QTMAN: variants seen among roughly 807,000 people sequenced by gnomAD.
The protein encoded by QTMAN is tRNA-queuosine alpha-mannosyltransferase.
At chr2:144,013,528 A>G in the QTMAN span, among the ~76,000 whole-genome samples, 5 of 152,206 alleles carry the variant, frequency 3.3e-5, no homozygotes, top group East Asian at 9.6e-4. Flanking sequence ...CCAATGTGAC[A>G]TATCAGTAGA....
At chr2:144,104,997 A>C in the QTMAN span, among the ~76,000 whole-genome samples, 5 of 152,222 alleles carry the variant, frequency 3.3e-5, no homozygotes, top group African/African-American at 7.2e-5. Context: ...AGGCAAACAG[A>C]GTCTGGAGTG....
the QTMAN span, among the ~76,000 whole-genome samples, chr2:144,121,612 C>T: frequency 6.6e-6 from 1 of 152,204 alleles, no homozygotes; most frequent in African/African-American, 2.4e-5. Flanking sequence ...GAAAGGAATA[C>T]TATTAAATAA....
the QTMAN span, among the ~76,000 whole-genome samples, chr2:144,126,975 T>C: frequency 2.0e-5 from 3 of 152,036 alleles, no homozygotes; most frequent in African/African-American, 7.2e-5. Context: ...CTAACTTTTT[T>C]TCTGACAAAT....
At chr2:144,197,918 T>C in the QTMAN span, among the ~76,000 whole-genome samples, 1 of 152,158 alleles carries the variant, frequency 6.6e-6, no homozygotes, top group Non-Finnish European at 1.5e-5. Flanking sequence ...AAAAGCATCA[T>C]TTCCCCTTAT....
the QTMAN span, among the ~76,000 whole-genome samples, chr2:144,095,732 C>A: frequency 6.6e-6 from 1 of 152,252 alleles, no homozygotes; most frequent in African/African-American, 2.4e-5. Context: ...CCACTTCCGC[C>A]AGCATTGCAA....
the QTMAN span, among the ~76,000 whole-genome samples, chr2:143,997,625 C>G: frequency 1.3e-5 from 2 of 151,996 alleles, no homozygotes; most frequent in Non-Finnish European, 2.9e-5. Flanking sequence ...TTTTAATACC[C>G]TTTTTACTCA....
chr2:144,308,692 G>A, the QTMAN span, among the ~76,000 whole-genome samples: 3 of 152,082 alleles, frequency 2.0e-5, no homozygotes, highest in Admixed American at 6.5e-5. Context: ...TTTGCCGGAC[G>A]CGGTGGCTCA....
At chr2:144,072,725 A>G in the QTMAN span, among the ~76,000 whole-genome samples, 1 of 152,318 alleles carries the variant, frequency 6.6e-6, no homozygotes, top group Non-Finnish European at 1.5e-5. Context: ...GGTTCCTTTA[A>G]CTTGAGAGTG....
At chr2:144,145,908 C>T in the QTMAN span, 5 of 241,280 alleles carry the variant, frequency 2.1e-5, no homozygotes, top group African/African-American at 1.3e-4. Context: ...GTTTTGATCT[C>T]TTAAAAAGCA....
the QTMAN span, among the ~76,000 whole-genome samples, chr2:144,034,329 C>A: frequency 5.3e-5 from 8 of 152,226 alleles, no homozygotes; most frequent in Non-Finnish European, 2.9e-5. Flanking sequence ...TGTACACACA[C>A]CACCACACAA....
the QTMAN span, among the ~76,000 whole-genome samples, chr2:144,022,976 A>AT: frequency 6.6e-6 from 1 of 152,104 alleles, no homozygotes; most frequent in Admixed American, 6.6e-5. Context: ...TTTATGGTCT[A>AT]TTTTTTATTT....
chr2:144,064,292 C>T, the QTMAN span, among the ~76,000 whole-genome samples: 1 of 152,222 alleles, frequency 6.6e-6, no homozygotes, highest in African/African-American at 2.4e-5. Flanking sequence ...ATTCATTCTA[C>T]ATTACCTACA....
At chr2:144,273,569 G>C in the QTMAN span, among the ~76,000 whole-genome samples, 1 of 152,086 alleles carries the variant, frequency 6.6e-6, no homozygotes, top group Non-Finnish European at 1.5e-5. Flanking sequence ...AAGTTCAGAA[G>C]GTTTGGAGGA....
chr2:144,022,290 T>C, the QTMAN span, among the ~76,000 whole-genome samples: 1 of 151,958 alleles, frequency 6.6e-6, no homozygotes, highest in Non-Finnish European at 1.5e-5. Context: ...TTTCTTTTTT[T>C]TTAATTTGTA....
chr2:143,952,682 G>T, the QTMAN span: 1 of 923,882 alleles, frequency 1.1e-6, no homozygotes. Flanking sequence ...ATAAACAATT[G>T]CTCCTGCCTA....
the QTMAN span, among the ~76,000 whole-genome samples, chr2:144,154,071 CAG>C: frequency 2.3e-3 from 352 of 152,242 alleles, 1 homozygote; most frequent in African/African-American, 8.1e-3. Context: ...GTATGTGACT[CAG>C]TGTTTTTGTG....
At chr2:144,118,143 A>G in the QTMAN span, among the ~76,000 whole-genome samples, 2 of 151,962 alleles carry the variant, frequency 1.3e-5, no homozygotes, top group Non-Finnish European at 2.9e-5. Flanking sequence ...ACCGTGCAGT[A>G]CACTAACATT....
the QTMAN span, among the ~76,000 whole-genome samples, chr2:144,031,560 A>T: frequency 6.6e-6 from 1 of 152,120 alleles, no homozygotes; most frequent in Non-Finnish European, 1.5e-5. Flanking sequence ...ATAAAACCTG[A>T]AGCCATGGAG....
At chr2:144,158,789 A>C in the QTMAN span, among the ~76,000 whole-genome samples, 3 of 152,192 alleles carry the variant, frequency 2.0e-5, no homozygotes, top group African/African-American at 7.2e-5. Flanking sequence ...CTGTGTCCTC[A>C]TGCATATAGA....
Sources: allele counts gnomAD v4.1 joint callset (sites outside exome capture counted in the v4.1 genomes callset), GRCh38; gene constraint gnomAD v4.1.1; transcripts MANE v1.5; gene names NCBI Gene and HGNC (gene_info 2026-07-23, HGNC 2026-07-21).